Variants in NRXN1 observed in about 807,000 individuals in gnomAD.
NRXN1 encodes neurexin-1.
In NRXN1, 39 loss-of-function variants were observed where a neutral mutation model predicts 150.9. The observed-to-expected ratio is 0.26, with a 90% CI of 0.20 to 0.34. NRXN1 has a LOEUF of 0.34. Ranked by LOEUF, NRXN1 falls within the 10% of genes least tolerant of loss-of-function variation. The pLI is 1.00. For synonymous variants in NRXN1, 924 were observed against 757.0 expected (o/e 1.22, Z -3.62); for missense variants, 1,815 against 1,949.9 (o/e 0.93, Z 1.30).
At chr2:50,542,145 G>A (rs2093406124) in intron 9 of NRXN1, among the ~76,000 whole-genome samples, 1 of 152,120 alleles carries the variant, frequency 6.6e-6, no homozygotes. Flanking sequence ...GCCGGGCACG[G>A]TGGTGCATGC....
chr2:50,668,082 G>A (rs189205630), intron 5 of NRXN1, among the ~76,000 whole-genome samples: 167 of 152,030 alleles, frequency 1.1e-3, no homozygotes, highest in African/African-American at 4.0e-3. Flanking sequence ...TATTTCGAAT[G>A]GTATTTCAAT....
chr2:50,683,645 A>AT (rs1690762389), intron 5 of NRXN1, among the ~76,000 whole-genome samples: 1 of 62,670 alleles, frequency 1.6e-5, no homozygotes, highest in Non-Finnish European at 3.0e-5. Context: ...AAAAAAAAAA[A>AT]AATATATATA....
chr2:50,112,885 T>G (rs1702563839), intron 18 of NRXN1, among the ~76,000 whole-genome samples: 1 of 152,162 alleles, frequency 6.6e-6, no homozygotes, highest in Non-Finnish European at 1.5e-5. Flanking sequence ...AGATATAAAA[T>G]GATCATCAAA....
chr2:50,756,292 C>T (rs905808144), intron 5 of NRXN1, among the ~76,000 whole-genome samples: 2 of 151,548 alleles, frequency 1.3e-5, no homozygotes, highest in African/African-American at 4.8e-5. Flanking sequence ...GAAACTTCCA[C>T]CTCACAAGTA....
intron 18 of NRXN1, among the ~76,000 whole-genome samples, chr2:50,100,521 A>T (rs944291147): frequency 2.6e-5 from 4 of 152,194 alleles, no homozygotes; most frequent in African/African-American, 9.6e-5. Context: ...GATATTCTCA[A>T]TTTTGTTTCA....
chr2:50,244,381 T>A (rs2066310675), intron 17 of NRXN1, among the ~76,000 whole-genome samples: 2 of 151,910 alleles, frequency 1.3e-5, no homozygotes, highest in African/African-American at 4.8e-5. Flanking sequence ...GAGATGTTAA[T>A]GATGTTCATT....
chr2:50,042,573 G>T (rs1223569669), intron 21 of NRXN1, among the ~76,000 whole-genome samples: 2 of 152,138 alleles, frequency 1.3e-5, no homozygotes, highest in Non-Finnish European at 2.9e-5. Flanking sequence ...CAAGGACTGA[G>T]CAATACACAA....
At position 50,867,463 on chromosome 2, in the gene NRXN1, A is replaced by C. The variant is rs76299886; in HGVS notation, c.832+54406T>G. Among the ~76,000 whole-genome samples, 529 of 152,036 alleles carry C rather than the reference A, an allele frequency of 3.5e-3. 3 individuals carry two copies. The highest frequency in any genetic ancestry group is 0.012 in the African/African-American group (510 of 41,546). ...ATTAAAGGACCTTTAATGGATTAAA[A>C]ACAAAAAGCCATTCTGCTCTCCAGG... On this transcript the variant is annotated intron_variant, in intron 5 of 22. Coordinates refer to ENST00000401669, the MANE Select transcript of NRXN1 (RefSeq NM_001330078.2).
chr2:50,215,537 T>C (rs1434496603), intron 18 of NRXN1, among the ~76,000 whole-genome samples: 4 of 152,028 alleles, frequency 2.6e-5, no homozygotes, highest in African/African-American at 9.7e-5. Context: ...TCAGAAAACC[T>C]AAACTCTGAT....
intron 2 of NRXN1, among the ~76,000 whole-genome samples, chr2:50,968,962 T>C (rs918779624): frequency 1.3e-5 from 2 of 152,100 alleles, no homozygotes; most frequent in African/African-American, 4.8e-5. Flanking sequence ...GGCCTATTTG[T>C]CTACTTCTAC....
chr2:50,093,313 C>A (rs987726558), intron 18 of NRXN1, among the ~76,000 whole-genome samples: 1 of 151,992 alleles, frequency 6.6e-6, no homozygotes, highest in Non-Finnish European at 1.5e-5. Flanking sequence ...ACTAAAGTCT[C>A]TGCAGCTATT....
chr2:50,062,194 T>C lies in NRXN1; in HGVS notation c.3719-7150A>G, dbSNP rs565357658. 5.9e-5 allele frequency among the ~76,000 whole-genome samples: 9 copies of C among 152,308 alleles called. 1 individual carries two copies. In the South Asian group the frequency reaches 1.9e-3, roughly 32 times the overall value. On this transcript the variant is annotated intron_variant, in intron 19 of 22. Transcript: ENST00000401669. Reference sequence around the variant, plus strand: ...ACTGAATGTTTGTATCTCCCAAAATTGATCTATTGAAAACTAATTCCAAAT... The same window carrying C: ...ACTGAATGTTTGTATCTCCCAAAATCGATCTATTGAAAACTAATTCCAAAT...
intron 8 of NRXN1, among the ~76,000 whole-genome samples, chr2:50,596,099 GC>G (rs1675157359): frequency 6.6e-6 from 1 of 152,124 alleles, no homozygotes; most frequent in East Asian, 1.9e-4. Flanking sequence ...CTTCTCCTCA[GC>G]CTTTTACTTC....
intron 17 of NRXN1, among the ~76,000 whole-genome samples, chr2:50,277,989 TA>T (rs2070778989): frequency 6.6e-6 from 1 of 151,476 alleles, no homozygotes; most frequent in Non-Finnish European, 1.5e-5. Context: ...ATCTACCATA[TA>T]ACTCAAAACA....
chr2:50,037,513 T>C (rs1690223462), intron 21 of NRXN1, among the ~76,000 whole-genome samples: 1 of 152,094 alleles, frequency 6.6e-6, no homozygotes, highest in African/African-American at 2.4e-5. Context: ...CATTGATAAA[T>C]AGAGGGTTAT....
chr2:50,849,996 A>C (rs1369278633), intron 5 of NRXN1, among the ~76,000 whole-genome samples: 1 of 152,074 alleles, frequency 6.6e-6, no homozygotes, highest in Non-Finnish European at 1.5e-5. Context: ...GCTTGAGCCC[A>C]TAAGTTGAAG....
At chr2:50,863,604 T>C (rs1387714915) in intron 5 of NRXN1, among the ~76,000 whole-genome samples, 1 of 152,018 alleles carries the variant, frequency 6.6e-6, no homozygotes, top group African/African-American at 2.4e-5. Flanking sequence ...TTTTTGAGAC[T>C]TTAATAAAAA....
At chr2:49,974,023 C>T (rs751228558) in intron 21 of NRXN1, 18 of 717,300 alleles carry the variant, frequency 2.5e-5, no homozygotes, top group Non-Finnish European at 4.2e-5. Flanking sequence ...ACCCTGCGTG[C>T]TTAGAGCTTT....
intron 5 of NRXN1, among the ~76,000 whole-genome samples, chr2:50,892,898 C>T (rs1681296725): frequency 6.6e-6 from 1 of 152,124 alleles, no homozygotes; most frequent in African/African-American, 2.4e-5. Context: ...ACAAATAATA[C>T]TTGCAAGATC....
Sources: allele counts gnomAD v4.1 joint callset (sites outside exome capture counted in the v4.1 genomes callset), GRCh38; gene constraint gnomAD v4.1.1; transcripts MANE v1.5; gene names NCBI Gene and HGNC (gene_info 2026-07-23, HGNC 2026-07-21).